IMMP2L: variants seen among roughly 807,000 people sequenced by gnomAD.
The protein encoded by IMMP2L is inner mitochondrial membrane peptidase subunit 2, also known as mitochondrial inner membrane protease subunit 2.
IMMP2L carries 18 observed loss-of-function variants against 19.3 expected under a neutral mutation model. That is an observed-to-expected ratio of 0.93 (90% CI 0.64 to 1.38). The LOEUF (loss-of-function observed/expected upper bound fraction) is 1.38, where lower values mean the gene tolerates loss of function less well. IMMP2L is among the 40% of genes most tolerant of loss of function. The probability of loss-of-function intolerance (pLI) is 0.00; values close to 1 mark genes in which losing one functional copy is unlikely to be tolerated. For missense variants in IMMP2L, 233 were observed against 218.2 expected (o/e 1.07, Z -0.43); for synonymous variants, 76 against 73.0 (o/e 1.04, Z -0.21).
At chr7:111,279,990 C>G (rs968960446) in intron 3 of IMMP2L, among the ~76,000 whole-genome samples, 2 of 152,036 alleles carry the variant, frequency 1.3e-5, no homozygotes, top group Admixed American at 1.3e-4. Context: ...TCTACTCTTG[C>G]CTATTCAAAC....
intron 5 of IMMP2L, among the ~76,000 whole-genome samples, chr7:110,703,263 C>T (rs984964008): frequency 2.0e-5 from 3 of 152,080 alleles, no homozygotes; most frequent in Non-Finnish European, 4.4e-5. Context: ...AACACCCTTG[C>T]ATTCCAGAGA....
At chr7:111,507,448 A>C (rs1845029422) in intron 2 of IMMP2L, among the ~76,000 whole-genome samples, 1 of 152,114 alleles carries the variant, frequency 6.6e-6, no homozygotes, top group African/African-American at 2.4e-5. Context: ...TACAGTTCAC[A>C]TTTTTAAAAA....
intron 3 of IMMP2L, chr7:111,411,666 C>T: frequency 4.3e-6 from 1 of 233,048 alleles, no homozygotes; most frequent in Non-Finnish European, 8.8e-6. Flanking sequence ...ATCACCAAGT[C>T]CCAGGAGCAA....
intron 3 of IMMP2L, among the ~76,000 whole-genome samples, chr7:111,366,241 A>G (rs1829747932): frequency 6.6e-6 from 1 of 151,932 alleles, no homozygotes; most frequent in Non-Finnish European, 1.5e-5. Flanking sequence ...GAAAAGGAAA[A>G]TCATTTATAT....
intron 3 of IMMP2L, among the ~76,000 whole-genome samples, chr7:111,365,277 C>T (rs1476883966): frequency 6.6e-6 from 1 of 152,068 alleles, no homozygotes; most frequent in Admixed American, 6.6e-5. Flanking sequence ...GGTTTTGAAA[C>T]ACAATCTGCT....
chr7:111,101,954 G>T (rs1245961748), intron 3 of IMMP2L, among the ~76,000 whole-genome samples: 1 of 151,230 alleles, frequency 6.6e-6, no homozygotes, highest in Non-Finnish European at 1.5e-5. Context: ...AAACTCTTCT[G>T]CCCACATGTT....
intron 3 of IMMP2L, among the ~76,000 whole-genome samples, chr7:111,467,915 G>C (rs560452614): frequency 5.3e-5 from 8 of 152,208 alleles, no homozygotes; most frequent in African/African-American, 1.4e-4. Flanking sequence ...CCTGTTGTCA[G>C]CTAAGGCAAA....
intron 4 of IMMP2L, among the ~76,000 whole-genome samples, chr7:110,944,056 T>C (rs1164172639): frequency 6.6e-6 from 1 of 151,978 alleles, no homozygotes; most frequent in African/African-American, 2.4e-5. Flanking sequence ...ATACTCAGGA[T>C]TGAAGTTTTA....
At chr7:111,202,262 T>C (rs1418575133) in intron 3 of IMMP2L, among the ~76,000 whole-genome samples, 1 of 152,286 alleles carries the variant, frequency 6.6e-6, no homozygotes, top group African/African-American at 2.4e-5. Flanking sequence ...TTAAAATCCA[T>C]TAATGGAACT....
At chr7:111,260,636 A>C (rs1817216406) in intron 3 of IMMP2L, among the ~76,000 whole-genome samples, 1 of 152,190 alleles carries the variant, frequency 6.6e-6, no homozygotes, top group Admixed American at 6.5e-5. Context: ...ACACTTCAGA[A>C]TTCTATTTTG....
At chr7:111,543,691 A>C (rs558770645) in intron 1 of IMMP2L, among the ~76,000 whole-genome samples, 1 of 152,174 alleles carries the variant, frequency 6.6e-6, no homozygotes, top group Non-Finnish European at 1.5e-5. Context: ...AAGATATGTA[A>C]ATCAACACTA....
At chr7:110,788,595 C>A in intron 5 of IMMP2L, among the ~76,000 whole-genome samples, 1 of 151,744 alleles carries the variant, frequency 6.6e-6, no homozygotes, top group Non-Finnish European at 1.5e-5. Flanking sequence ...ACATCTGTAG[C>A]ATAGAACCCT....
In IMMP2L at chr7:111,496,092, T is replaced by C. The variant is rs575159284; in HGVS notation, c.136-8751A>G. Among the ~76,000 whole-genome samples, 3 of 152,300 alleles carry C rather than the reference T, an allele frequency of 2.0e-5. 1 individual carries two copies. Among genetic ancestry groups the C allele is most frequent in the East Asian group, 3.9e-4 (2 of 5,178 alleles). On this transcript the variant is annotated intron_variant, in intron 2 of 5. Coordinates refer to ENST00000405709, the MANE Select transcript of IMMP2L (RefSeq NM_032549.4). ...ACACTGCAGCACTGGCCAAGAAGCA[T>C]GAAGTAAGTACAGTTAAAGTAAATG...
Position 111,123,881 on chromosome 7 carries a change from T to A in IMMP2L, c.240-160316A>T. ...GAAATCAGCATACACAGTAACCCCA[T>A]CAGGTGTGACTGTGTCATCCGTTGG... On this transcript the variant is annotated intron_variant, in intron 3 of 5. Coordinates refer to ENST00000405709, the MANE Select transcript of IMMP2L (RefSeq NM_032549.4). The surrounding 1 kb of genome is among the most constrained non-coding windows in gnomAD (Gnocchi z 6.4). 6.2e-7 allele frequency: 1 copy of A among 1,613,972 alleles called. No homozygotes were observed. Among genetic ancestry groups the A allele is most frequent in the Non-Finnish European group, 8.5e-7 (1 of 1,179,972 alleles).
intron 2 of IMMP2L, among the ~76,000 whole-genome samples, chr7:111,492,678 G>A (rs549400444): frequency 6.6e-6 from 1 of 152,078 alleles, no homozygotes; most frequent in Non-Finnish European, 1.5e-5. Flanking sequence ...AATTGTAATT[G>A]TTAGAACCAA....
chr7:111,262,615 A>G (rs897509033), intron 3 of IMMP2L, among the ~76,000 whole-genome samples: 3 of 152,146 alleles, frequency 2.0e-5, no homozygotes, highest in Non-Finnish European at 4.4e-5. Context: ...AGATGTCCCT[A>G]GCTAATGATT....
At chr7:111,314,643 T>C (rs1232958004) in intron 3 of IMMP2L, among the ~76,000 whole-genome samples, 1 of 152,084 alleles carries the variant, frequency 6.6e-6, no homozygotes, top group African/African-American at 2.4e-5. Context: ...TAATTCCCAC[T>C]TGTCTAGGAA....
chr7:111,111,484 C>G (rs1799197470), intron 3 of IMMP2L, among the ~76,000 whole-genome samples: 1 of 151,278 alleles, frequency 6.6e-6, no homozygotes, highest in Admixed American at 6.6e-5. Context: ...ACACATAAGG[C>G]AAAATGTATT....
intron 5 of IMMP2L, among the ~76,000 whole-genome samples, chr7:110,749,506 T>C (rs1797592160): frequency 6.6e-6 from 1 of 152,056 alleles, no homozygotes; most frequent in Admixed American, 6.6e-5. Flanking sequence ...CAAATGCCCA[T>C]CAATGATAGG....
Sources: gnomAD v4.1 joint callset for allele counts (sites outside exome capture counted in the v4.1 genomes callset) on GRCh38, gnomAD v4.1.1 for gene constraint, Gnocchi (gnomAD v3.1) non-coding constraint, MANE v1.5 for transcripts, NCBI Gene and HGNC (gene_info 2026-07-23, HGNC 2026-07-21) for gene names.